The following SEMA4D variants were observed in gnomAD, a reference collection of about 807,000 sequenced individuals.
SEMA4D encodes semaphorin-4D.
Under a neutral mutation model 74.8 loss-of-function variants are expected in SEMA4D, and 22 were observed. The observed-to-expected ratio is 0.29, with a 90% confidence interval of 0.21 to 0.42. SEMA4D has a LOEUF of 0.42. SEMA4D is among the 10% of genes least tolerant of loss of function. SEMA4D has a pLI of 1.00. For missense variants in SEMA4D, 937 were observed against 1,118.4 expected, an observed-to-expected ratio of 0.84 and a Z score of 2.31; for synonymous variants, 445 against 463.7, an observed-to-expected ratio of 0.96 and a Z score of 0.52.
chr9:89,393,412 T>C (rs893771715), intron 7 of SEMA4D, 150 bp downstream of exon 7: 29 of 643,844 alleles, frequency 4.5e-5, no homozygotes, highest in Admixed American at 8.6e-5. Context: ...TTAAAGGGTC[T>C]ATGCAGTCAC....
In SEMA4D at chr9:89,460,911, G is replaced by A. The variant is rs1275060683; in HGVS notation, c.-309-4958C>T. 2.0e-5 allele frequency among the ~76,000 whole-genome samples: 3 copies of A among 152,188 alleles called. No individual in the cohort carries two copies. In the East Asian group the frequency reaches 5.8e-4, roughly 29 times the overall value. ...CTCATATGTGGCCACCACATATGCC[G>A]AAGGGGAGGACGGAGAAGGCGACCT... is the stretch of plus-strand genomic sequence containing the variant. On this transcript the variant is annotated intron_variant, in intron 1 of 15. Transcript: ENST00000422704.
rs534994309 is a variant in SEMA4D, at chr9:89,421,406, C to T, written c.-243-15707G>A. Among the ~76,000 whole-genome samples the T allele has an allele frequency of 4.9e-4, 75 of 152,190 alleles. 1 individual carries two copies. Among genetic ancestry groups the T allele is most frequent in the Non-Finnish European group, 8.8e-4 (60 of 68,040 alleles). ...GGCTACAAAGTACACAGACAGGGCC[C>T]GGAGGACATGTTTCCGCACCCTGCT... On this transcript the variant is annotated intron_variant, in intron 2 of 15. Coordinates refer to ENST00000422704, the MANE Select transcript of SEMA4D (RefSeq NM_001371194.2).
At chr9:89,470,973 C>A (rs1860038031) in intron 1 of SEMA4D, among the ~76,000 whole-genome samples, 1 of 152,170 alleles carries the variant, frequency 6.6e-6, no homozygotes, top group African/African-American at 2.4e-5. Context: ...GTCGTGGTTA[C>A]ACCATCTGCA....
In SEMA4D at chr9:89,396,790, T is replaced by C; in HGVS notation, c.361A>G (p.Thr121Ala). The change falls in exon 6 of 16, where the codon ACT becomes GCT. Residue 121 changes from threonine to alanine, a missense_variant. Thr to Ala is a moderately conservative substitution (Grantham distance 58). Transcript: ENST00000422704. ...YIRVLQPLSA[T>A]SLYVCGTNAF... ...TTGGTCCCACACACGTAAAGGGAAG[T>C]GGCGCTGAGTGGCTGCAGCACCCGG... 6.2e-7 allele frequency: 1 copy of C among 1,614,000 alleles called. No individual in the cohort carries two copies. The highest frequency in any genetic ancestry group is 8.5e-7 in the Non-Finnish European group (1 of 1,179,934).
chr9:89,391,176 T>C, intron 9 of SEMA4D, 88 bp downstream of exon 9: 1 of 1,309,040 alleles, frequency 7.6e-7, no homozygotes, highest in Non-Finnish European at 1.1e-6. Context: ...GAAAGTGACA[T>C]TTGAGACGAA....
intron 2 of SEMA4D, among the ~76,000 whole-genome samples, chr9:89,420,470 C>T (rs560137596): frequency 6.6e-6 from 1 of 152,366 alleles, no homozygotes; most frequent in African/African-American, 2.4e-5. Flanking sequence ...AAGCATTTCC[C>T]TCTCATGGCC....
chr9:89,393,676 A>G (rs780223517), intron 6 of SEMA4D, 21 bp from the exon 7 acceptor site: 4 of 1,558,620 alleles, frequency 2.6e-6, no homozygotes, highest in South Asian at 2.2e-5. Context: ...ATAAAAAGAG[A>G]GCACATCATC....
intron 1 of SEMA4D, among the ~76,000 whole-genome samples, chr9:89,486,315 G>T (rs79081088): frequency 2.2e-3 from 338 of 152,264 alleles, no homozygotes; most frequent in African/African-American, 7.1e-3. Flanking sequence ...GTGGTTGCTA[G>T]GTCTGGGGAA....
intron 16 of SEMA4D, among the ~76,000 whole-genome samples, chr9:89,370,935 GTGTC>G (rs1267431914): frequency 4.3e-5 from 6 of 138,928 alleles, no homozygotes; most frequent in Admixed American, 3.8e-4. Context: ...GGGGTGTTGT[GTGTC>G]TGGGGTATGG....
At position 89,437,940 on chromosome 9, in the gene SEMA4D, T is replaced by C. The variant is rs376083536; in HGVS notation, c.-244+17948A>G. Among the ~76,000 whole-genome samples, 18 of 152,338 alleles carry C rather than the reference T, an allele frequency of 1.2e-4. 1 individual carries two copies. In the South Asian group the frequency reaches 2.3e-3, roughly 19 times the overall value. ...GGATGAGCCATCCAACCTGCTAACA[T>C]GCACAGTGCCATCTGGCACCAGGCT... On this transcript the variant is annotated intron_variant, in intron 2 of 15. Transcript: ENST00000422704.
chr9:89,452,173 G>GTTTTT (rs1362131550), intron 2 of SEMA4D, among the ~76,000 whole-genome samples: 16 of 62,334 alleles, frequency 2.6e-4, no homozygotes, highest in African/African-American at 1.1e-3. Context: ...TCCTGTCTTG[G>GTTTTT]TTTTTTTTGT....
intron 2 of SEMA4D, among the ~76,000 whole-genome samples, chr9:89,442,292 C>T (rs924849066): frequency 1.3e-5 from 2 of 152,214 alleles, no homozygotes; most frequent in African/African-American, 2.4e-5. Context: ...TGCTGGAGCC[C>T]CCCACTCCAG....
intron 18 of SEMA4D, chr9:89,363,393 C>G: frequency 6.2e-7 from 1 of 1,604,326 alleles, no homozygotes; most frequent in South Asian, 1.1e-5. Flanking sequence ...GCCCCTGGCT[C>G]CAGCCCTCCT....
At position 89,461,807 on chromosome 9, in the gene SEMA4D, A is replaced by G. The variant is rs553603395; in HGVS notation, c.-309-5854T>C. ...AACCTCCACCTCCCGGGTTCAAGTG[A>G]TTCTCCTGCCTCAGCCTCCTGAGTA... On this transcript the variant is annotated intron_variant, in intron 1 of 15. Coordinates refer to ENST00000422704, the MANE Select transcript of SEMA4D (RefSeq NM_001371194.2). 2.1e-4 allele frequency among the ~76,000 whole-genome samples: 31 copies of G among 146,572 alleles called. No individual in the cohort carries two copies. In the East Asian group the frequency reaches 6.1e-3, roughly 29 times the overall value.
intron 2 of SEMA4D, among the ~76,000 whole-genome samples, chr9:89,435,627 G>T (rs778634643): frequency 1.3e-5 from 2 of 152,074 alleles, no homozygotes; most frequent in African/African-American, 4.8e-5. Context: ...GACAAACAAG[G>T]CCACCCAGGT....
intron 2 of SEMA4D, among the ~76,000 whole-genome samples, chr9:89,454,891 G>A (rs938496127): frequency 1.3e-5 from 2 of 152,262 alleles, no homozygotes; most frequent in Admixed American, 6.5e-5. Flanking sequence ...TGCCTAGCAC[G>A]GGTGAGGAAG....
chr9:89,472,399 C>A, intron 1 of SEMA4D: 1 of 324,680 alleles, frequency 3.1e-6, no homozygotes, highest in Non-Finnish European at 6.1e-6. Flanking sequence ...GATCACTGGG[C>A]ATCCAAGAAC....
chr9:89,477,949 T>G (rs566207539), intron 1 of SEMA4D, among the ~76,000 whole-genome samples: 101 of 152,178 alleles, frequency 6.6e-4, no homozygotes, highest in Non-Finnish European at 1.0e-3. Flanking sequence ...CTGTTTCCCC[T>G]CTGAGTCAAC....
At chr9:89,402,509 G>T (rs1305391769) in intron 4 of SEMA4D, among the ~76,000 whole-genome samples, 2 of 152,154 alleles carry the variant, frequency 1.3e-5, no homozygotes, top group African/African-American at 2.4e-5. Flanking sequence ...TCCAGTAAGA[G>T]ATACCCAGAT....
Sources: allele counts gnomAD v4.1 joint callset (sites outside exome capture counted in the v4.1 genomes callset), GRCh38; gene constraint gnomAD v4.1.1; transcripts MANE v1.5; gene names NCBI Gene and HGNC (gene_info 2026-07-23, HGNC 2026-07-21).